APPBP2: variants seen among roughly 807,000 people sequenced by gnomAD.
APPBP2 encodes amyloid beta precursor protein binding protein 2.
APPBP2 carries 15 observed loss-of-function variants against 76.0 expected under a neutral mutation model. The ratio of observed to expected loss-of-function variants is 0.20; its 90% CI spans 0.13 to 0.30. APPBP2 has a LOEUF of 0.30. APPBP2 is among the 10% of genes least tolerant of loss of function. The pLI is 1.00. For synonymous variants in APPBP2, 222 were observed against 242.2 expected, an observed-to-expected ratio of 0.92 and a Z score of 0.77; for missense variants, 401 against 687.2, an observed-to-expected ratio of 0.58 and a Z score of 4.66.
At chr17:60,467,217 CT>C (rs35004260) in intron 4 of APPBP2, among the ~76,000 whole-genome samples, 4 of 152,092 alleles carry the variant, frequency 2.6e-5, no homozygotes, top group Non-Finnish European at 5.9e-5. Context: ...GCCAATACAA[CT>C]TTCTGAAAAT....
intron 4 of APPBP2, among the ~76,000 whole-genome samples, chr17:60,474,769 A>G (rs1016138575): frequency 3.3e-5 from 5 of 152,124 alleles, no homozygotes; most frequent in Non-Finnish European, 5.9e-5. Context: ...TTTAAGGCCT[A>G]TTACAAATTC....
intron 4 of APPBP2, among the ~76,000 whole-genome samples, chr17:60,475,045 T>C (rs2090579334): frequency 6.6e-6 from 1 of 151,994 alleles, no homozygotes; most frequent in South Asian, 2.1e-4. Context: ...CAGGCTAACA[T>C]GGTGAAACCC....
intron 1 of APPBP2, among the ~76,000 whole-genome samples, chr17:60,524,133 A>G (rs2143514663): frequency 6.6e-6 from 1 of 152,370 alleles, no homozygotes; most frequent in East Asian, 1.9e-4. Context: ...TAACAAAAGC[A>G]CCATCTATTC....
Position 60,474,178 on chromosome 17 carries a change from T to A in APPBP2, c.503+4970A>T, listed in dbSNP as rs866159966. Among the ~76,000 whole-genome samples, 383 of 146,878 alleles carry A rather than the reference T, an allele frequency of 2.6e-3. 1 individual carries two copies. The highest frequency in any genetic ancestry group is 9.1e-3 in the African/African-American group (371 of 40,900). On this transcript the variant is annotated intron_variant, in intron 4 of 12. Coordinates refer to ENST00000083182, the MANE Select transcript of APPBP2 (RefSeq NM_006380.5). ...TCTGTTAAATTTCATTTTTTTTTTA[T>A]TTTTTTTTTTTGAGACAGAGTTTTG...
intron 11 of APPBP2, 50 bp from the exon 12 acceptor site, chr17:60,452,095 C>G (rs1216020064): frequency 6.3e-7 from 1 of 1,576,926 alleles, no homozygotes; most frequent in Non-Finnish European, 8.7e-7. Flanking sequence ...CTCATCTTAA[C>G]AGTTCTTACT....
At chr17:60,493,026 C>T (rs934439277) in intron 3 of APPBP2, among the ~76,000 whole-genome samples, 2 of 152,128 alleles carry the variant, frequency 1.3e-5, no homozygotes, top group Admixed American at 1.3e-4. Context: ...GGTTCCCCAA[C>T]ACTGTTTTCA....
chr17:60,485,532 T>C (rs1215833414), intron 3 of APPBP2, among the ~76,000 whole-genome samples: 1 of 152,226 alleles, frequency 6.6e-6, no homozygotes, highest in Non-Finnish European at 1.5e-5. Flanking sequence ...TGTATTTCTG[T>C]AGGATCAGTG....
chr17:60,509,078 C>T (rs2090891152), intron 1 of APPBP2, among the ~76,000 whole-genome samples: 1 of 152,126 alleles, frequency 6.6e-6, no homozygotes, highest in African/African-American at 2.4e-5. Context: ...AACAAGCAAA[C>T]TATAAAAATA....
chr17:60,519,149 G>C (rs974258997), intron 1 of APPBP2, among the ~76,000 whole-genome samples: 1 of 151,566 alleles, frequency 6.6e-6, no homozygotes, highest in Admixed American at 6.6e-5. Flanking sequence ...TTCTGGTAAA[G>C]ACAGTGTCTC....
chr17:60,458,250 A>G (rs2090446195), intron 9 of APPBP2, among the ~76,000 whole-genome samples: 2 of 152,176 alleles, frequency 1.3e-5, no homozygotes, highest in African/African-American at 4.8e-5. Context: ...TCTGGCCAAC[A>G]TGGTGAAACC....
intron 4 of APPBP2, among the ~76,000 whole-genome samples, chr17:60,469,045 G>C (rs1391913273): frequency 1.3e-5 from 2 of 152,074 alleles, no homozygotes; most frequent in African/African-American, 4.8e-5. Context: ...TCTCCTTCTT[G>C]TAAGTGTCTT....
At chr17:60,451,228 T>C (rs942169965) in intron 12 of APPBP2, among the ~76,000 whole-genome samples, 17 of 152,184 alleles carry the variant, frequency 1.1e-4, no homozygotes, top group Admixed American at 5.9e-4. Flanking sequence ...GCCTGATCTA[T>C]GATGTTAAAG....
chr17:60,455,574 T>C (rs905763918), intron 10 of APPBP2, among the ~76,000 whole-genome samples: 1 of 152,206 alleles, frequency 6.6e-6, no homozygotes, highest in African/African-American at 2.4e-5. Context: ...TAGGGGTATT[T>C]TGCAAGAGCC....
intron 4 of APPBP2, among the ~76,000 whole-genome samples, 192 bp from the exon 5 acceptor site, chr17:60,466,651 T>C (rs2090513648): frequency 6.6e-6 from 1 of 152,138 alleles, no homozygotes. Context: ...CCTGAAAGCG[T>C]CCCATAATTC....
chr17:60,506,286 C>T (rs182209373), intron 1 of APPBP2, among the ~76,000 whole-genome samples: 5 of 152,254 alleles, frequency 3.3e-5, no homozygotes, highest in African/African-American at 9.6e-5. Context: ...GAGCCACTGC[C>T]CCTGGCCTTG....
chr17:60,513,093 C>T (rs1311059622), intron 1 of APPBP2: 2 of 226,124 alleles, frequency 8.8e-6, no homozygotes, highest in South Asian at 8.3e-5. Flanking sequence ...TGTCCCACCC[C>T]TGATGCTGTG....
chr17:60,483,788 A>G (rs1168500340), intron 3 of APPBP2, among the ~76,000 whole-genome samples: 2 of 152,112 alleles, frequency 1.3e-5, no homozygotes, highest in Non-Finnish European at 1.5e-5. Flanking sequence ...CGTGTTTTAG[A>G]CATGAAGTCC....
chr17:60,452,918 A>G (rs1395228054), intron 11 of APPBP2, among the ~76,000 whole-genome samples: 1 of 152,196 alleles, frequency 6.6e-6, no homozygotes, highest in Admixed American at 6.5e-5. Flanking sequence ...TGGACAACAG[A>G]GTAAGAACCC....
Position 60,458,538 on chromosome 17 carries a change from G to A in APPBP2, c.1061+2125C>T, listed in dbSNP as rs561411659. ...GAGTTAACAAAGTTTTTCTGTAGAG[G>A]GCCAGATAGTAAATATTTTAGGTTG... On this transcript the variant is annotated intron_variant, in intron 9 of 12. Transcript: ENST00000083182. 1.5e-4 allele frequency among the ~76,000 whole-genome samples: 23 copies of A among 152,004 alleles called. 2 individuals are homozygous for A. In the East Asian group the frequency reaches 3.7e-3, roughly 24 times the overall value.
Sources: allele counts gnomAD v4.1 joint callset (sites outside exome capture counted in the v4.1 genomes callset), GRCh38; gene constraint gnomAD v4.1.1; transcripts MANE v1.5; gene names NCBI Gene and HGNC (gene_info 2026-07-23, HGNC 2026-07-21).